The following HLCS variants were observed in gnomAD, a reference collection of about 807,000 sequenced individuals.
HLCS encodes the protein biotin--protein ligase.
HLCS carries 53 observed loss-of-function variants against 75.0 expected under a neutral mutation model. That is an observed-to-expected ratio of 0.71 (90% confidence interval 0.57 to 0.89). HLCS has a LOEUF of 0.89. HLCS is among the 40% of genes least tolerant of loss of function. HLCS has a pLI of 0.00. For synonymous variants in HLCS, 431 were observed against 428.6 expected, an observed-to-expected ratio of 1.01 and a Z score of -0.07; for missense variants, 966 against 1,074.0, an observed-to-expected ratio of 0.90 and a Z score of 1.41.
At chr21:36,976,910 C>G (rs2068953424) in intron 1 of HLCS, among the ~76,000 whole-genome samples, 1 of 152,122 alleles carries the variant, frequency 6.6e-6, no homozygotes, top group South Asian at 2.1e-4. Flanking sequence ...TCTCTAACTT[C>G]CCCTCCATCT....
chr21:36,754,284 C>G lies in HLCS; in HGVS notation c.2584G>C (p.Asp862His). Reference sequence around the variant, plus strand: ...GGGAGGATGAGGTTTCTCAGCATGTCGAAGGAGTTGCCGTCCGGGTGCACA... The same window carrying G: ...GGGAGGATGAGGTTTCTCAGCATGTGGAAGGAGTTGCCGTCCGGGTGCACA... Reference protein sequence around the residue: ...VTVHPDGNSFDMLRNLILPKR... With the variant: ...VTVHPDGNSFHMLRNLILPKR... Residue 862 changes from aspartate (D) to histidine (H), a missense_variant, in exon 11 of 11, where the codon GAC becomes CAC. Transcript: ENST00000674895. 1.9e-6 allele frequency: 3 copies of G among 1,614,106 alleles called. No individual in the cohort carries two copies. The highest frequency in any genetic ancestry group is 2.5e-6 in the Non-Finnish European group (3 of 1,180,036).
intron 6 of HLCS, among the ~76,000 whole-genome samples, chr21:36,874,300 G>A (rs1477137408): frequency 7.2e-5 from 11 of 152,200 alleles, no homozygotes; most frequent in Non-Finnish European, 2.9e-5. Flanking sequence ...TACTCGGGAG[G>A]CTGAGGCAGG....
intron 6 of HLCS, among the ~76,000 whole-genome samples, chr21:36,826,818 G>T (rs148499597): frequency 1.3e-5 from 2 of 152,280 alleles, no homozygotes; most frequent in African/African-American, 4.8e-5. Flanking sequence ...ACTCCATTCT[G>T]CTATACTGCC....
intron 6 of HLCS, among the ~76,000 whole-genome samples, chr21:36,774,971 C>T (rs1398620725): frequency 2.0e-5 from 3 of 152,232 alleles, no homozygotes; most frequent in African/African-American, 7.2e-5. Context: ...TCAATGCACT[C>T]TGTTGGTATG....
chr21:36,878,223 C>T (rs2064062050), intron 6 of HLCS, among the ~76,000 whole-genome samples: 1 of 152,028 alleles, frequency 6.6e-6, no homozygotes, highest in Admixed American at 6.5e-5. Context: ...CCATAGGTCC[C>T]TGAGGCTCTG....
At chr21:36,849,474 C>T (rs1436539005) in intron 6 of HLCS, among the ~76,000 whole-genome samples, 5 of 152,188 alleles carry the variant, frequency 3.3e-5, no homozygotes, top group Admixed American at 6.5e-5. Context: ...CCTCCTTCTG[C>T]GGGTAGAAAA....
intron 6 of HLCS, among the ~76,000 whole-genome samples, chr21:36,778,038 A>G (rs113602701): frequency 1.1e-4 from 17 of 151,230 alleles, no homozygotes; most frequent in East Asian, 9.7e-4. Flanking sequence ...GCACGATCTC[A>G]GCTCACTGCA....
chr21:36,908,814 A>G (rs1202981034), intron 5 of HLCS, among the ~76,000 whole-genome samples: 1 of 152,244 alleles, frequency 6.6e-6, no homozygotes, highest in Non-Finnish European at 1.5e-5. Context: ...CGTTTCAGAA[A>G]AGGCCAATCT....
chr21:36,786,923 T>C (rs1476862759), intron 6 of HLCS, among the ~76,000 whole-genome samples: 1 of 152,102 alleles, frequency 6.6e-6, no homozygotes, highest in Non-Finnish European at 1.5e-5. Flanking sequence ...AACAGAGGTG[T>C]CAGAGTCCAG....
intron 6 of HLCS, among the ~76,000 whole-genome samples, chr21:36,810,653 T>C (rs1042884051): frequency 7.2e-5 from 11 of 152,132 alleles, no homozygotes; most frequent in African/African-American, 2.4e-4. Context: ...GGGATGGAGG[T>C]GGGAGGATCT....
At chr21:36,983,071 G>A (rs969060542) in intron 1 of HLCS, among the ~76,000 whole-genome samples, 13 of 152,084 alleles carry the variant, frequency 8.5e-5, no homozygotes, top group East Asian at 3.9e-4. Flanking sequence ...AAACTCTGGC[G>A]TAAGCATGGT....
chr21:36,919,561 T>C (rs1000484716), intron 5 of HLCS, among the ~76,000 whole-genome samples: 2 of 152,188 alleles, frequency 1.3e-5, no homozygotes, highest in African/African-American at 4.8e-5. Flanking sequence ...AATTGCAGTA[T>C]GGGGCAAGAG....
At chr21:36,832,594 C>A (rs1332139976) in intron 6 of HLCS, among the ~76,000 whole-genome samples, 8 of 152,216 alleles carry the variant, frequency 5.3e-5, no homozygotes, top group Non-Finnish European at 1.5e-5. Flanking sequence ...AGTATCTTCA[C>A]TTTACAGATA....
chr21:36,965,237 T>A (rs891911959), intron 1 of HLCS, among the ~76,000 whole-genome samples: 1 of 152,228 alleles, frequency 6.6e-6, no homozygotes, highest in Admixed American at 6.5e-5. Context: ...CGGTGTGACA[T>A]ATGCAGAAAA....
rs1052007066 is a variant in HLCS, at chr21:36,753,683, A to G, written c.*563T>C. ...TCTCTACAGGCATTTAGACTTCGCT[A>G]TGGGGCCACACCACCGGGTGGACAG... On this transcript the variant is annotated 3_prime_UTR_variant, in exon 11 of 11. Coordinates refer to ENST00000674895, the MANE Select transcript of HLCS (RefSeq NM_001352514.2). This position sits in a 1 kb window ranked among gnomAD's most constrained non-coding sequence, Gnocchi z 4.3. The G allele has an allele frequency of 6.1e-6, 1 of 164,024 alleles. No individual in the cohort carries two copies. Among genetic ancestry groups the G allele is most frequent in the African/African-American group, 2.4e-5 (1 of 41,492 alleles). 10.2% of individuals were successfully genotyped at this position (164,024 alleles called of 1,614,324 possible).
At chr21:36,828,206 C>T (rs1428801646) in intron 6 of HLCS, among the ~76,000 whole-genome samples, 3 of 152,246 alleles carry the variant, frequency 2.0e-5, no homozygotes, top group African/African-American at 7.2e-5. Flanking sequence ...AGGTCTGATT[C>T]AGCGGGTTCA....
At chr21:36,981,009 T>A (rs1269113153) in intron 1 of HLCS, 1 of 152,296 alleles carries the variant, frequency 6.6e-6, no homozygotes, top group East Asian at 1.9e-4. Context: ...GCTTGCCTCA[T>A]AGGTCAAACG....
chr21:36,910,032 C>T (rs576299676), intron 5 of HLCS, among the ~76,000 whole-genome samples: 1 of 152,322 alleles, frequency 6.6e-6, no homozygotes, highest in South Asian at 2.1e-4. Context: ...TCATCAAAGA[C>T]ATGGTACGCA....
chr21:36,887,379 T>C (rs952105311), intron 6 of HLCS, among the ~76,000 whole-genome samples: 1 of 152,104 alleles, frequency 6.6e-6, no homozygotes, highest in Non-Finnish European at 1.5e-5. Flanking sequence ...ATTATCACTA[T>C]CACAAAATGG....
Sources: gnomAD v4.1 joint callset for allele counts (sites outside exome capture counted in the v4.1 genomes callset) on GRCh38, gnomAD v4.1.1 for gene constraint, Gnocchi (gnomAD v3.1) non-coding constraint, MANE v1.5 for transcripts, NCBI Gene and HGNC (gene_info 2026-07-23, HGNC 2026-07-21) for gene names.